The following TAF3 variants were observed in gnomAD, a reference collection of about 807,000 sequenced individuals.
TAF3 encodes transcription initiation factor TFIID subunit 3.
In TAF3, 7 loss-of-function variants were observed where a neutral mutation model predicts 80.6. The observed-to-expected ratio is 0.09, with a 90% CI of 0.05 to 0.16. The LOEUF is 0.16. Among genes scored for constraint, TAF3 ranks in the 10% least tolerant of loss-of-function variants. The probability of loss-of-function intolerance (pLI) is 1.00; values close to 1 mark genes in which losing one functional copy is unlikely to be tolerated. For missense variants in TAF3, 921 were observed against 1,140.2 expected, an observed-to-expected ratio of 0.81 and a Z score of 2.77; for synonymous variants, 444 against 446.1, an observed-to-expected ratio of 1.00 and a Z score of 0.06.
At chr10:7,911,573 T>TAG (rs1171855596) in intron 2 of TAF3, among the ~76,000 whole-genome samples, 2 of 152,204 alleles carry the variant, frequency 1.3e-5, no homozygotes, top group Non-Finnish European at 2.9e-5. Context: ...CTTTGTTTGA[T>TAG]AGATTTCAGT....
chr10:7,964,140 G>A lies in TAF3; in HGVS notation c.630G>A (p.Leu210=), dbSNP rs980377787. The change falls in exon 3 of 7, where the codon TTG becomes TTA. Residue 210 remains leucine (L), a synonymous_variant. Coordinates refer to ENST00000344293, the MANE Select transcript of TAF3 (RefSeq NM_031923.4). The surrounding 1 kb of genome is among the most constrained non-coding windows in gnomAD (Gnocchi z 4.1). ...GGGACACGCTAGATGTTGTGTTATT[G>A]GAAGCTCGAGAGCCACTCAGCTCAA... The part of the protein sequence containing the change: ...TKGDTLDVVL[L]EAREPLSSIN... 6.2e-7 allele frequency: 1 copy of A among 1,614,074 alleles called. No homozygotes were observed. The highest frequency in any genetic ancestry group is 8.5e-7 in the Non-Finnish European group (1 of 1,180,014).
intron 4 of TAF3, among the ~76,000 whole-genome samples, chr10:8,004,951 A>G (rs917262108): frequency 1.3e-5 from 2 of 152,174 alleles, no homozygotes; most frequent in African/African-American, 4.8e-5. Context: ...TTCTTAGGCT[A>G]TGCTCTGAAA....
intron 2 of TAF3, among the ~76,000 whole-genome samples, chr10:7,936,383 A>G (rs915666810): frequency 1.3e-5 from 2 of 152,188 alleles, no homozygotes; most frequent in Admixed American, 6.5e-5. Context: ...TTTCTCTTAC[A>G]GTTTAAAGCA....
chr10:7,996,571 C>G (rs1831889076), intron 4 of TAF3, among the ~76,000 whole-genome samples: 1 of 151,862 alleles, frequency 6.6e-6, no homozygotes, highest in Non-Finnish European at 1.5e-5. Context: ...TATCACTGAT[C>G]CAGATATGAG....
intron 2 of TAF3, among the ~76,000 whole-genome samples, chr10:7,849,101 C>G (rs982381863): frequency 1.3e-5 from 2 of 152,158 alleles, no homozygotes; most frequent in Non-Finnish European, 2.9e-5. Flanking sequence ...TACATGTTTC[C>G]TTAGGTACCA....
At position 7,957,098 on chromosome 10, in the gene TAF3, C is replaced by T. The variant is rs569857423; in HGVS notation, c.410-6822C>T. ...AAATCAAAAGTCATATCACTATCAACTTTAACCAAACTTTAGCACAAGCGG... is the reference window on the plus strand; with the variant it reads ...AAATCAAAAGTCATATCACTATCAATTTTAACCAAACTTTAGCACAAGCGG... On this transcript the variant is annotated intron_variant, in intron 2 of 6. Transcript: ENST00000344293. 2.0e-5 allele frequency among the ~76,000 whole-genome samples: 3 copies of T among 152,308 alleles called. No homozygotes were observed. The East Asian group carries it at 5.8e-4, about 29-fold the overall frequency.
At chr10:7,827,037 C>T (rs1836748798) in intron 2 of TAF3, among the ~76,000 whole-genome samples, 1 of 152,142 alleles carries the variant, frequency 6.6e-6, no homozygotes, top group African/African-American at 2.4e-5. Context: ...AAGGTCCTTC[C>T]ATGGGGTTCC....
At chr10:7,945,820 C>A (rs1314442599) in intron 2 of TAF3, among the ~76,000 whole-genome samples, 1 of 152,184 alleles carries the variant, frequency 6.6e-6, no homozygotes, top group Non-Finnish European at 1.5e-5. Flanking sequence ...ACACATTATC[C>A]CATTTTACTG....
intron 4 of TAF3, among the ~76,000 whole-genome samples, chr10:7,999,677 A>C (rs1415178789): frequency 6.6e-6 from 1 of 152,038 alleles, no homozygotes; most frequent in Non-Finnish European, 1.5e-5. Flanking sequence ...GGCTGGTCTC[A>C]AACTCCTGAC....
Position 8,009,006 on chromosome 10 carries a change from A to G in TAF3, c.2316-72A>G. On this transcript the variant is annotated intron_variant, in intron 4 of 6. Transcript: ENST00000344293. The surrounding 1 kb of genome is among the most constrained non-coding windows in gnomAD (Gnocchi z 4.1). ...CTGGAAGAAAAGCTATTTTACGATC[A>G]TGTTTTTAAGCACGGGTTTGGTTCG... The G allele has an allele frequency of 6.5e-7, 1 of 1,529,526 alleles. No homozygotes were observed. The highest frequency in any genetic ancestry group is 8.8e-7 in the Non-Finnish European group (1 of 1,132,510). The allele number at this position is 1,529,526 out of a possible 1,614,324, so 94.7% of individuals were successfully genotyped here.
rs372104531 is a variant in TAF3, at chr10:7,977,559, G to A, written c.2315+236G>A. Among the ~76,000 whole-genome samples the A allele has an allele frequency of 1.8e-4, 27 of 151,662 alleles. No homozygotes were observed. In the East Asian group the frequency reaches 5.2e-3, roughly 29 times the overall value. ...TCTTGTTCTTTTTCTCTTTTTTAAA[G>A]ACTAGCACCTGACATTATTTCTGCA... On this transcript the variant is annotated intron_variant, in intron 4 of 6. Transcript: ENST00000344293.
intron 2 of TAF3, among the ~76,000 whole-genome samples, chr10:7,849,493 G>A (rs570213737): frequency 2.9e-4 from 44 of 152,104 alleles, no homozygotes; most frequent in African/African-American, 5.6e-4. Context: ...TGTTTCATAA[G>A]CATTGTATGT....
chr10:7,948,230 T>A lies in TAF3; in HGVS notation c.410-15690T>A, dbSNP rs182538684. ...GGTGGGCACCACTGGGCCCTACTAA[T>A]TTTTTTTTTCTTTTCTTTTCTTTCT... On this transcript the variant is annotated intron_variant, in intron 2 of 6. Coordinates refer to ENST00000344293, the MANE Select transcript of TAF3 (RefSeq NM_031923.4). Among the ~76,000 whole-genome samples the A allele has an allele frequency of 3.8e-3, 563 of 149,032 alleles. 4 individuals are homozygous for A. Among genetic ancestry groups the A allele is most frequent in the South Asian group, 0.02 (95 of 4,664 alleles).
intron 2 of TAF3, among the ~76,000 whole-genome samples, chr10:7,940,514 CAG>C (rs1231221390): frequency 2.0e-5 from 3 of 152,178 alleles, no homozygotes; most frequent in African/African-American, 7.2e-5. Context: ...GTATAAAAAA[CAG>C]TGTGCAGTTC....
rs749312770 is a variant in TAF3, at chr10:7,824,513, A to G, written c.362A>G (p.Lys121Arg). 1.2e-6 allele frequency: 2 copies of G among 1,614,190 alleles called. No individual in the cohort carries two copies. Among genetic ancestry groups the G allele is most frequent in the Non-Finnish European group, 1.7e-6 (2 of 1,180,022 alleles). The change falls in exon 2 of 7, where the codon AAA becomes AGA. Residue 121 changes from lysine to arginine, a missense_variant. Lys to Arg is a conservative substitution (Grantham distance 26). This residue lies in a region of TAF3 where 106 missense variants were observed against 191.8 expected (regional missense o/e 0.55). Coordinates refer to ENST00000344293, the MANE Select transcript of TAF3 (RefSeq NM_031923.4). ...QPGSKDAEER[K>R]EYIPDYLPPI... is the part of the protein sequence containing the mutation. ...GGAAGTAAAGATGCAGAGGAAAGAA[A>G]AGAATACATTCCTGATTACCTGCCA...
chr10:7,896,111 C>T, intron 2 of TAF3, among the ~76,000 whole-genome samples: 1 of 152,164 alleles, frequency 6.6e-6, no homozygotes, highest in East Asian at 1.9e-4. Context: ...TGATAGGTCC[C>T]TGGGCCTCAG....
At chr10:7,998,274 T>C (rs1040587231) in intron 4 of TAF3, among the ~76,000 whole-genome samples, 130 of 146,944 alleles carry the variant, frequency 8.8e-4, no homozygotes, top group African/African-American at 2.8e-3. Flanking sequence ...TGTATATATA[T>C]ATATATATAT....
chr10:7,942,975 T>G (rs186411868), intron 2 of TAF3, among the ~76,000 whole-genome samples: 3 of 152,364 alleles, frequency 2.0e-5, no homozygotes, highest in African/African-American at 4.8e-5. Flanking sequence ...CAGCCCTGAC[T>G]GTCCCATTCA....
chr10:7,848,542 A>G (rs959862930), intron 2 of TAF3, among the ~76,000 whole-genome samples: 2 of 152,102 alleles, frequency 1.3e-5, no homozygotes, highest in Admixed American at 6.5e-5. Context: ...AACCCCTTCC[A>G]GGTCCCTCGA....
Sources: allele counts gnomAD v4.1 joint callset (sites outside exome capture counted in the v4.1 genomes callset), GRCh38; gene constraint gnomAD v4.1.1; regional missense constraint gnomAD v4.1.1; non-coding constraint Gnocchi (gnomAD v3.1); transcripts MANE v1.5; gene names NCBI Gene and HGNC (gene_info 2026-07-23, HGNC 2026-07-21).